The following HMG20A variants were observed in gnomAD, a reference collection of about 807,000 sequenced individuals.
The protein encoded by HMG20A is high mobility group 20A, also known as high mobility group protein 20A.
In HMG20A, 17 loss-of-function variants were observed where a neutral mutation model predicts 43.9. The observed-to-expected ratio is 0.39, with a 90% CI of 0.27 to 0.58. The LOEUF (loss-of-function observed/expected upper bound fraction) is 0.58, where lower values mean the gene tolerates loss of function less well. Ranked by LOEUF, HMG20A falls within the 20% of genes least tolerant of loss-of-function variation. The probability of loss-of-function intolerance (pLI) is 0.59; values close to 1 mark genes in which losing one functional copy is unlikely to be tolerated. For missense variants in HMG20A, 341 were observed against 438.2 expected, an observed-to-expected ratio of 0.78 and a Z score of 1.98; for synonymous variants, 132 against 147.5, an observed-to-expected ratio of 0.89 and a Z score of 0.76.
intron 1 of HMG20A, among the ~76,000 whole-genome samples, chr15:77,429,742 C>G (rs2073464984): frequency 1.3e-5 from 2 of 152,168 alleles, no homozygotes. Flanking sequence ...AAATTATTGC[C>G]TATCTACTCA....
the HMG20A span, among the ~76,000 whole-genome samples, chr15:77,518,276 A>AGC: frequency 1.3e-5 from 2 of 152,216 alleles, no homozygotes; most frequent in Admixed American, 1.3e-4. Context: ...TCTAAAGGTG[A>AGC]GCATCTGTGA....
At position 77,440,725 on chromosome 15, in the gene HMG20A, T is replaced by C. The variant is rs1001495513; in HGVS notation, c.-4-17679T>C. On this transcript the variant is annotated intron_variant, in intron 1 of 9. Coordinates refer to ENST00000336216, the MANE Select transcript of HMG20A (RefSeq NM_001304504.2). ...TCAGATTTTCTGCCCAGAAGAATCA[T>C]ATGTCACTCACTTTCATTGCCCATG... Among the ~76,000 whole-genome samples the C allele has an allele frequency of 2.6e-5, 4 of 152,326 alleles. No individual in the cohort carries two copies. The East Asian group carries it at 7.7e-4, about 29-fold the overall frequency.
the HMG20A span, among the ~76,000 whole-genome samples, chr15:77,491,813 CAAGTAAT>C: frequency 1.3e-5 from 2 of 152,142 alleles, no homozygotes; most frequent in Admixed American, 6.5e-5. Context: ...TTGGTGTACT[CAAGTAAT>C]TCAGCGTGAC....
intron 1 of HMG20A, among the ~76,000 whole-genome samples, chr15:77,446,574 G>A (rs35235292): frequency 0.24 from 35,859 of 152,042 alleles, 5,062 homozygotes; most frequent in Middle Eastern, 0.36. Context: ...TTGGGAGGCC[G>A]AGGCGGGTGG....
At chr15:77,444,859 T>C (rs1007717544) in intron 1 of HMG20A, among the ~76,000 whole-genome samples, 16 of 152,230 alleles carry the variant, frequency 1.1e-4, no homozygotes, top group African/African-American at 3.6e-4. Flanking sequence ...CTATTCATCT[T>C]GTGAAGAAAA....
intron 1 of HMG20A, among the ~76,000 whole-genome samples, chr15:77,438,556 G>A (rs2073575427): frequency 6.6e-6 from 1 of 152,090 alleles, no homozygotes; most frequent in African/African-American, 2.4e-5. Flanking sequence ...AAGATACTCT[G>A]CATTTTCTTA....
At chr15:77,502,544 A>T in the HMG20A span, among the ~76,000 whole-genome samples, 1 of 152,196 alleles carries the variant, frequency 6.6e-6, no homozygotes, top group African/African-American at 2.4e-5. Flanking sequence ...GCCTTAGATG[A>T]CTATTAGTTT....
At chr15:77,456,790 T>A (rs534795144) in intron 1 of HMG20A, among the ~76,000 whole-genome samples, 1 of 152,336 alleles carries the variant, frequency 6.6e-6, no homozygotes, top group South Asian at 2.1e-4. Context: ...TGTGAGGTGA[T>A]GTTAGCAGCC....
the HMG20A span, among the ~76,000 whole-genome samples, chr15:77,500,337 G>C: frequency 2.6e-5 from 4 of 152,298 alleles, no homozygotes; most frequent in African/African-American, 9.6e-5. Context: ...CAAAACCCAT[G>C]TTCGAAAGTA....
At chr15:77,501,931 C>T in the HMG20A span, among the ~76,000 whole-genome samples, 2 of 152,150 alleles carry the variant, frequency 1.3e-5, no homozygotes, top group Admixed American at 1.3e-4. Flanking sequence ...TATTCAATGC[C>T]TGGCATGATC....
At position 77,478,405 on chromosome 15, in the gene HMG20A, G is replaced by C. The variant is rs200988070; in HGVS notation, c.802G>C (p.Glu268Gln). 70 of 1,613,272 alleles carry C rather than the reference G, an allele frequency of 4.3e-5. 1 individual carries two copies. Among genetic ancestry groups the C allele is most frequent in the Non-Finnish European group, 8.5e-7 (1 of 1,180,056 alleles). Residue 268 changes from glutamate to glutamine, a missense_variant, in exon 8 of 10, where the codon GAG (glutamate) becomes CAG (glutamine). Physicochemically the swap from Glu to Gln is conservative, Grantham distance 29 (BLOSUM62 2). Coordinates refer to ENST00000336216, the MANE Select transcript of HMG20A (RefSeq NM_001304504.2). Reference sequence around the variant, plus strand: ...CATGCGCACAGCAGTGGAGAAGCTGGAGGTGGATGTGATCCAGGAGCGGAG... The same window carrying C: ...CATGCGCACAGCAGTGGAGAAGCTGCAGGTGGATGTGATCCAGGAGCGGAG... ...ESMRTAVEKL[E>Q]VDVIQERSRN... is the part of the protein sequence containing the mutation.
chr15:77,451,770 C>T (rs780570295), intron 1 of HMG20A, among the ~76,000 whole-genome samples: 4 of 152,106 alleles, frequency 2.6e-5, no homozygotes, highest in East Asian at 1.9e-4. Context: ...AGGTTAGGAA[C>T]AGTTCAAGGA....
intron 2 of HMG20A, among the ~76,000 whole-genome samples, chr15:77,462,161 A>G (rs979096755): frequency 3.3e-5 from 5 of 152,286 alleles, no homozygotes; most frequent in African/African-American, 9.6e-5. Context: ...CTAAAACTAT[A>G]CTTAACTAAA....
chr15:77,465,278 A>AT, intron 3 of HMG20A, among the ~76,000 whole-genome samples: 1 of 150,492 alleles, frequency 6.6e-6, no homozygotes, highest in Admixed American at 6.6e-5. Flanking sequence ...AAAAAAAAAA[A>AT]AAAAAAAGAA....
chr15:77,467,436 G>A lies in HMG20A; in HGVS notation c.450+129G>A, dbSNP rs1032362478. 6.8e-5 allele frequency: 49 copies of A among 722,824 alleles called. No homozygotes were observed. The Admixed American group carries it at 1.1e-3, about 17-fold the overall frequency. 44.8% of individuals were successfully genotyped at this position (722,824 alleles called of 1,614,324 possible). ...TCACAGTGCCTAGGAGACCAGAATA[G>A]CAGGGTCCATCATAGCAATTTTCTC... On this transcript the variant is annotated intron_variant, in intron 4 of 9. Coordinates refer to ENST00000336216, the MANE Select transcript of HMG20A (RefSeq NM_001304504.2).
chr15:77,427,391 G>T (rs1014250838), intron 1 of HMG20A, among the ~76,000 whole-genome samples: 1 of 151,952 alleles, frequency 6.6e-6, no homozygotes, highest in Non-Finnish European at 1.5e-5. Context: ...TGTGATTAAT[G>T]GTTCTACAAG....
the HMG20A span, among the ~76,000 whole-genome samples, chr15:77,490,975 C>T: frequency 1.3e-5 from 2 of 152,214 alleles, no homozygotes; most frequent in African/African-American, 4.8e-5. Flanking sequence ...GATCCAGTTA[C>T]GTTGTGCGTT....
rs536740384 is a variant in HMG20A at position 77,456,879 on chromosome 15, CAT to C, written c.-4-1524_-4-1523del. On this transcript the variant is annotated intron_variant, in intron 1 of 9. Transcript: ENST00000336216. ...CTTGAGTCAGGGTTATTCAGTAAAA[CAT>C]GTGGAATGGAATTTTGTGGTATTTA... 3.1e-4 allele frequency among the ~76,000 whole-genome samples: 47 copies of C among 152,288 alleles called. 1 individual carries two copies. In the South Asian group the frequency reaches 6.6e-3, roughly 21 times the overall value.
intron 1 of HMG20A, among the ~76,000 whole-genome samples, chr15:77,457,217 C>T (rs939089860): frequency 3.9e-5 from 6 of 152,196 alleles, no homozygotes; most frequent in African/African-American, 7.2e-5. Context: ...CTCGTGTCAT[C>T]GGCATTTTCT....
Sources: gnomAD v4.1 joint callset for allele counts (sites outside exome capture counted in the v4.1 genomes callset) on GRCh38, gnomAD v4.1.1 for gene constraint, MANE v1.5 for transcripts, NCBI Gene and HGNC (gene_info 2026-07-23, HGNC 2026-07-21) for gene names.